ESCO2: variants seen among roughly 807,000 people sequenced by gnomAD.
ESCO2 encodes the protein N-acetyltransferase ESCO2.
ESCO2 carries 51 observed loss-of-function variants against 61.7 expected under a neutral mutation model. The ratio of observed to expected loss-of-function variants is 0.83; its 90% CI spans 0.66 to 1.04. The LOEUF is 1.04. ESCO2 is among the 50% of genes least tolerant of loss of function. The pLI, the probability that ESCO2 is intolerant of heterozygous loss-of-function variation, is 0.00. For missense variants in ESCO2, 692 were observed against 686.2 expected, an observed-to-expected ratio of 1.01 and a Z score of -0.09; for synonymous variants, 230 against 238.2, an observed-to-expected ratio of 0.97 and a Z score of 0.32.
intron 6 of ESCO2, among the ~76,000 whole-genome samples, chr8:27,788,536 C>T (rs1351187143): frequency 6.6e-6 from 1 of 151,530 alleles, no homozygotes; most frequent in African/African-American, 2.4e-5. Context: ...TTTTTTCCCC[C>T]CCCAAAGAGA....
intron 9 of ESCO2, among the ~76,000 whole-genome samples, chr8:27,797,403 C>CT (rs1356767849): frequency 6.6e-6 from 1 of 152,086 alleles, no homozygotes; most frequent in Non-Finnish European, 1.5e-5. Flanking sequence ...TTCCTGTTCT[C>CT]TTTCGGTTTC....
chr8:27,788,833 C>T lies in ESCO2; in HGVS notation c.1132-14C>T, dbSNP rs777788213. 2.0e-5 allele frequency: 33 copies of T among 1,613,400 alleles called. No individual in the cohort carries two copies. Among genetic ancestry groups the T allele is most frequent in the Non-Finnish European group, 2.3e-5 (27 of 1,179,750 alleles). On this transcript the variant is annotated splice_polypyrimidine_tract_variant and intron_variant, in intron 6 of 10. Transcript: ENST00000305188. ...ATATTTAAATGGGTTTCTTTTTTTA[C>T]CCCCCAATTATAGGACGCTGGTCAG...
chr8:27,789,126 G>T, intron 7 of ESCO2, 148 bp downstream of exon 7: 1 of 1,039,804 alleles, frequency 9.6e-7, no homozygotes, highest in South Asian at 1.4e-5. Context: ...TAAATATTTT[G>T]TAAACACTGC....
At chr8:27,811,221 A>T, downstream of ESCO2, 2 of 1,111,590 alleles carry the variant, frequency 1.8e-6, no homozygotes, top group Non-Finnish European at 1.4e-6. Flanking sequence ...AACGATTTGA[A>T]CAAGTAGTTC....
In ESCO2 at chr8:27,793,676, G is replaced by A. The variant is rs113958811; in HGVS notation, c.1497+865G>A. Among the ~76,000 whole-genome samples, 1,001 of 151,888 alleles carry A rather than the reference G, an allele frequency of 6.6e-3. 16 individuals are homozygous for A. The highest frequency in any genetic ancestry group is 0.022 in the African/African-American group (926 of 41,426). On this transcript the variant is annotated intron_variant, in intron 9 of 10. Transcript: ENST00000305188. ...TAATTTTTGTATTTTTAGTAGAGAC[G>A]GGGTTTCACTATGTTGTCCAGGCTG...
intron 10 of ESCO2, among the ~76,000 whole-genome samples, chr8:27,802,710 T>A (rs1195601925): frequency 1.0e-4 from 15 of 143,856 alleles, no homozygotes; most frequent in Non-Finnish European, 1.5e-4. Flanking sequence ...TGGTTCTAAT[T>A]ATCTTTGGCT....
Position 27,800,848 on chromosome 8 carries a change from C to T in ESCO2, c.1673+1132C>T, listed in dbSNP as rs549473926. Among the ~76,000 whole-genome samples the T allele has an allele frequency of 2.0e-3, 303 of 152,236 alleles. 1 individual carries two copies. Among genetic ancestry groups the T allele is most frequent in the African/African-American group, 7.1e-3 (294 of 41,546 alleles). On this transcript the variant is annotated intron_variant, in intron 10 of 10. Transcript: ENST00000305188. ...TTGAAATAAATCAGTTGCAGAAGAT[C>T]GCACATTGTATGATTATATTTACAT...
chr8:27,772,737 T>G, upstream of ESCO2: 3 of 583,978 alleles, frequency 5.1e-6, no homozygotes, highest in Non-Finnish European at 6.2e-6. Context: ...GGCAAGGAGT[T>G]TGGTTCAGTG....
intron 9 of ESCO2, among the ~76,000 whole-genome samples, chr8:27,796,371 CTT>C (rs1805296703): frequency 6.6e-6 from 1 of 152,072 alleles, no homozygotes; most frequent in Non-Finnish European, 1.5e-5. Flanking sequence ...AAAACCAACT[CTT>C]CATTTTGCGA....
intron 10 of ESCO2, 126 bp downstream of exon 10, chr8:27,799,842 C>A: frequency 1.7e-6 from 2 of 1,157,520 alleles, no homozygotes; most frequent in Non-Finnish European, 1.3e-6. Flanking sequence ...TAAAGTCAGG[C>A]TAAGGAAGGT....
Position 27,788,871 on chromosome 8 carries a change from G to C in ESCO2, c.1156G>C (p.Ala386Pro), listed in dbSNP as rs764463847. ...GGACGCTGGTCAGAAACATTTTGGG[G>C]CTACTGTGTGCAAGTCTTGTGGTAT... ...IIDAGQKHFG[A>P]TVCKSCGMIY... is the part of the protein sequence containing the mutation. The change falls in exon 7 of 11, where the codon GCT becomes CCT. Residue 386 changes from alanine to proline, a missense_variant. Ala to Pro is a conservative substitution (Grantham distance 27). Coordinates refer to ENST00000305188, the MANE Select transcript of ESCO2 (RefSeq NM_001017420.3). 1.2e-6 allele frequency: 2 copies of C among 1,614,064 alleles called. No homozygotes were observed. The highest frequency in any genetic ancestry group is 2.7e-5 in the African/African-American group (2 of 75,012).
chr8:27,803,089 G>A (rs575669107), intron 10 of ESCO2, among the ~76,000 whole-genome samples: 1 of 152,206 alleles, frequency 6.6e-6, no homozygotes, highest in Non-Finnish European at 1.5e-5. Context: ...GAGTTAGGTG[G>A]ATGGTTCCCT....
chr8:27,786,241 C>A (rs6985126), intron 5 of ESCO2, among the ~76,000 whole-genome samples: 1 of 152,128 alleles, frequency 6.6e-6, no homozygotes, highest in Non-Finnish European at 1.5e-5. Flanking sequence ...ACAAAAGGAT[C>A]TTTTTAAAGA....
At chr8:27,784,744 A>G (rs1009015680) in intron 5 of ESCO2, among the ~76,000 whole-genome samples, 1 of 152,176 alleles carries the variant, frequency 6.6e-6, no homozygotes, top group African/African-American at 2.4e-5. Context: ...GTAGTTTCTT[A>G]TGGTCTAAAC....
At chr8:27,787,220 T>G (rs1029894685) in intron 5 of ESCO2, among the ~76,000 whole-genome samples, 1 of 152,214 alleles carries the variant, frequency 6.6e-6, no homozygotes, top group Non-Finnish European at 1.5e-5. Flanking sequence ...GCTAGCTAGA[T>G]TTGGCCTGAG....
chr8:27,777,110 G>T lies in ESCO2; in HGVS notation c.802G>T (p.Glu268Ter). Residue 268 changes from glutamate (E) to a stop codon, truncating the protein, a stop_gained, in exon 3 of 11, where the codon GAG becomes TAG. Coordinates refer to ENST00000305188, the MANE Select transcript of ESCO2 (RefSeq NM_001017420.3). LOFTEE classifies it high-confidence loss of function. ...RQVPKCLVLE[E>*]KLKIGLLSAS... is the part of the protein sequence containing the mutation. ...AGTGCCAAAGTGCTTGGTCCTAGAAGAGAAATTGAAAATTGGACTACTGAG... is the reference window on the plus strand; with the variant it reads ...AGTGCCAAAGTGCTTGGTCCTAGAATAGAAATTGAAAATTGGACTACTGAG... 1 of 1,595,886 alleles carries T rather than the reference G, an allele frequency of 6.3e-7. No individual in the cohort carries two copies. Among genetic ancestry groups the T allele is most frequent in the South Asian group, 1.2e-5 (1 of 86,554 alleles).
chr8:27,805,025 G>C lies in ESCO2; in HGVS notation c.*1587G>C. 1 of 137,578 alleles carries C rather than the reference G, an allele frequency of 7.3e-6. No individual in the cohort carries two copies. Among genetic ancestry groups the C allele is most frequent in the Non-Finnish European group, 1.2e-5 (1 of 81,772 alleles). The allele number at this position is 137,578 out of a possible 1,614,324, so 8.5% of individuals were successfully genotyped here. A position where few individuals can be genotyped will look rare whatever the true frequency, so the allele number is the denominator to read the frequency against. Reference sequence around the variant, plus strand: ...CGGCCGGGCGCGGTGGCTCACGCCTGTAATCCCAGCACTTTGGGAGGCCGA... The same window carrying C: ...CGGCCGGGCGCGGTGGCTCACGCCTCTAATCCCAGCACTTTGGGAGGCCGA... On this transcript the variant is annotated 3_prime_UTR_variant, in exon 11 of 11. Coordinates refer to ENST00000305188, the MANE Select transcript of ESCO2 (RefSeq NM_001017420.3).
intron 10 of ESCO2, among the ~76,000 whole-genome samples, chr8:27,801,281 C>G (rs148870655): frequency 3.5e-4 from 53 of 152,218 alleles, no homozygotes; most frequent in African/African-American, 1.2e-3. Flanking sequence ...CATATTTCAT[C>G]GTGTAGATAA....
intron 5 of ESCO2, among the ~76,000 whole-genome samples, chr8:27,784,790 C>T (rs1170888418): frequency 6.6e-6 from 1 of 152,152 alleles, no homozygotes; most frequent in African/African-American, 2.4e-5. Context: ...CTTCTCTCCC[C>T]ATTTGATTAT....
Sources: allele counts gnomAD v4.1 joint callset (sites outside exome capture counted in the v4.1 genomes callset), GRCh38; gene constraint gnomAD v4.1.1; transcripts MANE v1.5; gene names NCBI Gene and HGNC (gene_info 2026-07-23, HGNC 2026-07-21).